Variants in DDX10 observed in about 807,000 individuals in gnomAD.
DDX10 encodes the protein probable ATP-dependent RNA helicase DDX10.
A neutral mutation model predicts 104.3 loss-of-function variants in DDX10; 74 were observed. The observed-to-expected ratio is 0.71, with a 90% CI of 0.59 to 0.86. The LOEUF (loss-of-function observed/expected upper bound fraction) is 0.86. Among genes scored for constraint, DDX10 ranks in the 40% least tolerant of loss-of-function variants. The pLI is 0.00. For missense variants in DDX10, 952 were observed against 1,040.0 expected, an observed-to-expected ratio of 0.92 and a Z score of 1.16; for synonymous variants, 351 against 353.4, an observed-to-expected ratio of 0.99 and a Z score of 0.08.
chr11:108,834,178 AGGCTGGTC>A (rs1484465886), intron 13 of DDX10, among the ~76,000 whole-genome samples: 1 of 148,910 alleles, frequency 6.7e-6, no homozygotes, highest in African/African-American at 2.5e-5. Context: ...CAAGTTGCCC[AGGCTGGTC>A]GTGAACTCCT....
At chr11:108,691,769 G>T in intron 7 of DDX10, 107 bp from the exon 8 acceptor site, 1 of 854,576 alleles carries the variant, frequency 1.2e-6, no homozygotes, top group South Asian at 3.4e-5. Context: ...TTGGAATTGG[G>T]TATCACATTG....
intron 16 of DDX10, among the ~76,000 whole-genome samples, chr11:108,868,799 CT>C (rs1437354566): frequency 6.6e-6 from 1 of 152,010 alleles, no homozygotes; most frequent in East Asian, 1.9e-4. Context: ...CAATAATACC[CT>C]ATCAGAGCTC....
intron 13 of DDX10, among the ~76,000 whole-genome samples, chr11:108,755,570 T>C (rs959144516): frequency 1.3e-5 from 2 of 152,000 alleles, no homozygotes; most frequent in African/African-American, 4.8e-5. Flanking sequence ...TAGCCCTTTA[T>C]AGAAGAAAAA....
intron 16 of DDX10, among the ~76,000 whole-genome samples, chr11:108,904,513 T>G (rs1012644544): frequency 2.6e-5 from 4 of 151,970 alleles, no homozygotes; most frequent in African/African-American, 7.2e-5. Context: ...TTGCTGTTTA[T>G]TTTTCACCAA....
intron 16 of DDX10, among the ~76,000 whole-genome samples, chr11:108,910,405 T>G (rs1011584243): frequency 6.6e-6 from 1 of 152,190 alleles, no homozygotes; most frequent in Non-Finnish European, 1.5e-5. Flanking sequence ...TCAAGTAAGA[T>G]AATCTATGTT....
intron 16 of DDX10, among the ~76,000 whole-genome samples, chr11:108,887,032 C>T (rs969766497): frequency 1.3e-5 from 2 of 152,110 alleles, no homozygotes; most frequent in Non-Finnish European, 2.9e-5. Context: ...ATATGTAACT[C>T]TTGGAAAATG....
chr11:108,866,339 G>A (rs1785941000), intron 16 of DDX10, among the ~76,000 whole-genome samples: 1 of 152,112 alleles, frequency 6.6e-6, no homozygotes, highest in African/African-American at 2.4e-5. Flanking sequence ...TAGGTTGAGA[G>A]GATTCGGCAA....
At chr11:108,815,269 T>G (rs1488497419) in intron 13 of DDX10, among the ~76,000 whole-genome samples, 1 of 152,078 alleles carries the variant, frequency 6.6e-6, no homozygotes, top group African/African-American at 2.4e-5. Flanking sequence ...AGAGCAGACA[T>G]GATATTATGA....
chr11:108,827,660 T>C (rs1862413626), intron 13 of DDX10, among the ~76,000 whole-genome samples: 1 of 152,208 alleles, frequency 6.6e-6, no homozygotes, highest in Admixed American at 6.5e-5. Flanking sequence ...ATTTCTATTG[T>C]GGGCCTTTAA....
intron 6 of DDX10, among the ~76,000 whole-genome samples, chr11:108,683,619 TC>T (rs539965607): frequency 9.3e-4 from 141 of 152,338 alleles, no homozygotes; most frequent in African/African-American, 3.3e-3. Context: ...ACAAGCAGCT[TC>T]TTAGCCCTGC....
intron 13 of DDX10, among the ~76,000 whole-genome samples, chr11:108,824,987 T>C (rs2134581210): frequency 6.6e-6 from 1 of 152,152 alleles, no homozygotes; most frequent in African/African-American, 2.4e-5. Context: ...AGACAATAAA[T>C]AAATGAACAT....
intron 1 of DDX10, among the ~76,000 whole-genome samples, chr11:108,671,308 C>T (rs955894809): frequency 7.2e-5 from 11 of 152,300 alleles, no homozygotes; most frequent in East Asian, 1.9e-4. Flanking sequence ...GGATTACAGG[C>T]GCACGCCACT....
At chr11:108,827,129 C>T (rs150926452) in intron 13 of DDX10, among the ~76,000 whole-genome samples, 2 of 152,306 alleles carry the variant, frequency 1.3e-5, no homozygotes, top group African/African-American at 4.8e-5. Flanking sequence ...AGATTTGACT[C>T]ACAATTGTTC....
At position 108,745,037 on chromosome 11, in the gene DDX10, TCCTTCCCCCTTCCC is replaced by T. The variant is rs200885716; in HGVS notation, c.1965+21604_1965+21617del. On this transcript the variant is annotated intron_variant, in intron 13 of 17. Coordinates refer to ENST00000322536, the MANE Select transcript of DDX10 (RefSeq NM_004398.4). ...AAACAAGTGAAGGAAAATTACTTTT[TCCTTCCCCCTTCCC>T]CCTTCCCCCTTCCCCCTTCCCCCTT... 3.1e-3 allele frequency among the ~76,000 whole-genome samples: 168 copies of T among 54,934 alleles called. 1 individual carries two copies. The highest frequency in any genetic ancestry group is 9.9e-3 in the East Asian group (15 of 1,510). 36.0% of individuals were successfully genotyped at this position (54,934 alleles called of 152,430 possible). A position where few individuals can be genotyped will look rare whatever the true frequency, so the allele number is the denominator to read the frequency against.
chr11:108,810,482 G>GGT (rs765037600), intron 13 of DDX10, among the ~76,000 whole-genome samples: 5 of 151,880 alleles, frequency 3.3e-5, no homozygotes, highest in South Asian at 2.1e-4. Context: ...GGAGGACTAG[G>GGT]GTGTGTGTGT....
At chr11:108,874,206 A>T (rs1863119967) in intron 16 of DDX10, among the ~76,000 whole-genome samples, 1 of 152,232 alleles carries the variant, frequency 6.6e-6, no homozygotes, top group Non-Finnish European at 1.5e-5. Flanking sequence ...GATGATGATT[A>T]AAAGTTGCTT....
intron 13 of DDX10, among the ~76,000 whole-genome samples, chr11:108,804,013 C>T (rs894926580): frequency 6.6e-6 from 1 of 152,154 alleles, no homozygotes; most frequent in African/African-American, 2.4e-5. Flanking sequence ...TCTTGCTGCT[C>T]TCTTATTTTT....
chr11:108,674,173 T>C (rs1489092379), intron 2 of DDX10, among the ~76,000 whole-genome samples: 2 of 151,926 alleles, frequency 1.3e-5, no homozygotes, highest in Non-Finnish European at 2.9e-5. Flanking sequence ...AATACAAAAA[T>C]TAGCTGGGTG....
intron 16 of DDX10, among the ~76,000 whole-genome samples, chr11:108,911,126 G>A (rs778545149): frequency 6.6e-6 from 1 of 152,060 alleles, no homozygotes; most frequent in Non-Finnish European, 1.5e-5. Flanking sequence ...TGTGGGTAAC[G>A]GTTCTAGAAC....
Sources: gnomAD v4.1 joint callset for allele counts (sites outside exome capture counted in the v4.1 genomes callset) on GRCh38, gnomAD v4.1.1 for gene constraint, MANE v1.5 for transcripts, NCBI Gene and HGNC (gene_info 2026-07-23, HGNC 2026-07-21) for gene names.